The following CD38 variants were observed in gnomAD, a reference collection of about 807,000 sequenced individuals.
CD38 encodes the protein CD38 molecule.
Under a neutral mutation model 36.3 loss-of-function variants are expected in CD38, and 31 were observed. The observed-to-expected ratio is 0.85, with a 90% CI of 0.64 to 1.15. The LOEUF is 1.15. Among genes scored for constraint, CD38 ranks in the 50% most tolerant of loss-of-function variants. The pLI, the probability that CD38 is intolerant of heterozygous loss-of-function variation, is 0.00. For synonymous variants in CD38, 131 were observed against 135.2 expected, an observed-to-expected ratio of 0.97 and a Z score of 0.22; for missense variants, 380 against 371.9, an observed-to-expected ratio of 1.02 and a Z score of -0.18.
chr4:15,803,276 C>T (rs1279212038), intron 1 of CD38, among the ~76,000 whole-genome samples: 1 of 152,146 alleles, frequency 6.6e-6, no homozygotes, highest in Non-Finnish European at 1.5e-5. Flanking sequence ...CAAAAATAGA[C>T]TAATGGGATT....
intron 2 of CD38, among the ~76,000 whole-genome samples, chr4:15,819,779 T>C (rs955742007): frequency 2.0e-5 from 3 of 152,192 alleles, no homozygotes; most frequent in African/African-American, 7.2e-5. Flanking sequence ...TTGGGGTACC[T>C]GAAAGAGACA....
At chr4:15,832,646 A>G (rs1183136716) in intron 3 of CD38, among the ~76,000 whole-genome samples, 1 of 151,944 alleles carries the variant, frequency 6.6e-6, no homozygotes, top group Non-Finnish European at 1.5e-5. Flanking sequence ...CTGGTGACAC[A>G]CTCCACCGCA....
In CD38 at chr4:15,825,028, G is replaced by A. The variant is rs1388163125; in HGVS notation, c.499+12G>A. The A allele has an allele frequency of 1.3e-6, 2 of 1,598,690 alleles. No homozygotes were observed. Among genetic ancestry groups the A allele is most frequent in the Non-Finnish European group, 1.7e-6 (2 of 1,171,518 alleles). On this transcript the variant is annotated intron_variant, in intron 3 of 7. Coordinates refer to ENST00000226279, the MANE Select transcript of CD38 (RefSeq NM_001775.4). ...ATTCAACACTTCCAGTGAGGCTCTG[G>A]GCCCTGTGGGATTGCCCAGGGATGT... is the stretch of plus-strand genomic sequence containing the variant.
At chr4:15,797,441 T>C (rs1560309254) in intron 1 of CD38, among the ~76,000 whole-genome samples, 1 of 152,210 alleles carries the variant, frequency 6.6e-6, no homozygotes, top group African/African-American at 2.4e-5. Flanking sequence ...ACATGTCTAC[T>C]TGCGCATATG....
chr4:15,817,836 G>A (rs1285688669), intron 2 of CD38, among the ~76,000 whole-genome samples: 2 of 152,154 alleles, frequency 1.3e-5, no homozygotes, highest in Admixed American at 6.5e-5. Context: ...CAACGCAGAA[G>A]GTGGGTGATT....
intron 1 of CD38, among the ~76,000 whole-genome samples, chr4:15,802,911 T>C (rs1266235743): frequency 1.3e-5 from 2 of 152,268 alleles, no homozygotes; most frequent in Non-Finnish European, 2.9e-5. Flanking sequence ...AATATAATAC[T>C]ATAGTAAAAC....
chr4:15,815,029 A>T (rs1337999661), intron 1 of CD38, among the ~76,000 whole-genome samples: 2 of 151,880 alleles, frequency 1.3e-5, no homozygotes, highest in Admixed American at 1.3e-4. Context: ...CTTGTCTCGA[A>T]CTTATCACCT....
chr4:15,840,984 C>A (rs1724192950), intron 7 of CD38, among the ~76,000 whole-genome samples: 1 of 151,888 alleles, frequency 6.6e-6, no homozygotes, highest in Admixed American at 6.6e-5. Flanking sequence ...AGTACAGATG[C>A]CTAACACATG....
At chr4:15,809,095 G>C (rs1723408395) in intron 1 of CD38, among the ~76,000 whole-genome samples, 1 of 152,246 alleles carries the variant, frequency 6.6e-6, no homozygotes, top group Non-Finnish European at 1.5e-5. Context: ...GATCCAATGA[G>C]ATGCCTGTAA....
intron 1 of CD38, among the ~76,000 whole-genome samples, chr4:15,791,476 TG>T (rs1162571519): frequency 2.2e-4 from 2 of 9,168 alleles, no homozygotes; most frequent in Non-Finnish European, 3.5e-4. Flanking sequence ...GGGAGGGAGG[TG>T]GGGGGGGGTC....
intron 1 of CD38, among the ~76,000 whole-genome samples, chr4:15,793,643 C>T (rs1475910430): frequency 3.3e-5 from 5 of 152,170 alleles, no homozygotes; most frequent in African/African-American, 1.2e-4. Flanking sequence ...AAGGATCTCT[C>T]TGGCTGCTGC....
At chr4:15,792,240 A>G (rs1723015370) in intron 1 of CD38, among the ~76,000 whole-genome samples, 2 of 109,924 alleles carry the variant, frequency 1.8e-5, no homozygotes, top group African/African-American at 9.0e-5. Flanking sequence ...GCTCGTTAAG[A>G]GTCATCACCA....
At chr4:15,794,500 G>C (rs1048067937) in intron 1 of CD38, among the ~76,000 whole-genome samples, 1 of 152,092 alleles carries the variant, frequency 6.6e-6, no homozygotes, top group Non-Finnish European at 1.5e-5. Context: ...AGAAAGAGGG[G>C]GTATAATCAG....
chr4:15,805,013 A>G (rs1723311265), intron 1 of CD38, among the ~76,000 whole-genome samples: 1 of 152,198 alleles, frequency 6.6e-6, no homozygotes, highest in South Asian at 2.1e-4. Context: ...GCACGTATTG[A>G]AATGTCACTT....
intron 1 of CD38, among the ~76,000 whole-genome samples, chr4:15,803,860 G>A (rs768579014): frequency 2.0e-4 from 30 of 151,970 alleles, no homozygotes; most frequent in African/African-American, 5.1e-4. Context: ...ATGTCCATGC[G>A]TACCCAATGT....
rs969952616 is a variant in CD38 at position 15,850,626 on chromosome 4, T to G, written c.*2024T>G. On this transcript the variant is annotated 3_prime_UTR_variant, in exon 8 of 8. Transcript: ENST00000226279. ...AGAGTTGGTTCCTTTCTTCCTCCCCTGCTTGACAATCCAGTTTCCCACAGG... is the reference window on the plus strand; with the variant it reads ...AGAGTTGGTTCCTTTCTTCCTCCCCGGCTTGACAATCCAGTTTCCCACAGG... 6.6e-6 allele frequency: 1 copy of G among 152,350 alleles called. No homozygotes were observed. The highest frequency in any genetic ancestry group is 3.1e-3 in the Middle Eastern group (1 of 318). 9.4% of individuals were successfully genotyped at this position (152,350 alleles called of 1,614,324 possible).
At chr4:15,792,768 C>T (rs1723031722) in intron 1 of CD38, among the ~76,000 whole-genome samples, 1 of 152,168 alleles carries the variant, frequency 6.6e-6, no homozygotes, top group South Asian at 2.1e-4. Context: ...AACTATCATA[C>T]CATCATCCTA....
At position 15,851,262 on chromosome 4, in the gene CD38, G is replaced by A. The variant is rs1724379265; in HGVS notation, c.*2660G>A. 1 of 152,260 alleles carries A rather than the reference G, an allele frequency of 6.6e-6. No individual in the cohort carries two copies. Among genetic ancestry groups the A allele is most frequent in the Middle Eastern group, 3.4e-3 (1 of 294 alleles). 9.4% of individuals were successfully genotyped at this position (152,260 alleles called of 1,614,324 possible). On this transcript the variant is annotated 3_prime_UTR_variant, in exon 8 of 8. Transcript: ENST00000226279. ...TGGGTATCTTTGCCATCTCTGGCCC[G>A]AAGGACTTTCTGACCTACATGTATA...
chr4:15,828,786 CAGGT>C (rs1258041615), intron 3 of CD38, among the ~76,000 whole-genome samples: 1 of 152,120 alleles, frequency 6.6e-6, no homozygotes, highest in Admixed American at 6.6e-5. Context: ...CATGGGGGAG[CAGGT>C]ATCTCTTTGA....
Sources: allele counts gnomAD v4.1 joint callset (sites outside exome capture counted in the v4.1 genomes callset), GRCh38; gene constraint gnomAD v4.1.1; transcripts MANE v1.5; gene names NCBI Gene and HGNC (gene_info 2026-07-23, HGNC 2026-07-21).